Variants in ANKS1A observed in about 807,000 individuals in gnomAD.
The protein encoded by ANKS1A is ankyrin repeat and SAM domain-containing protein 1A.
In ANKS1A, 55 loss-of-function variants were observed where a neutral mutation model predicts 120.3. The observed-to-expected ratio is 0.46, with a 90% CI of 0.37 to 0.57. The LOEUF is 0.57. ANKS1A is among the 20% of genes least tolerant of loss of function. ANKS1A has a pLI of 0.00. For missense variants in ANKS1A, 1,123 were observed against 1,480.3 expected (o/e 0.76, Z 3.96); for synonymous variants, 590 against 604.7 (o/e 0.98, Z 0.36).
rs1322837970 is a variant in ANKS1A, at chr6:35,079,804, T to TG, written c.2437-16dup. 7.6e-6 allele frequency: 12 copies of TG among 1,586,100 alleles called. No homozygotes were observed. The highest frequency in any genetic ancestry group is 9.4e-6 in the Non-Finnish European group (11 of 1,165,934). On this transcript the variant is annotated splice_polypyrimidine_tract_variant and intron_variant, in intron 15 of 23. Transcript: ENST00000360359. The stretch of plus-strand genomic sequence containing the variant: ...TTGGCCACCTGACCTGTCACCTCGC[T>TG]GCTCCTCATCACCCAGGTCCTGAAG...
chr6:34,973,418 C>T (rs1360642820), intron 3 of ANKS1A, among the ~76,000 whole-genome samples: 1 of 152,234 alleles, frequency 6.6e-6, no homozygotes, highest in Admixed American at 6.5e-5. Flanking sequence ...TCAGCCTTTA[C>T]CACATCTGAG....
In ANKS1A at chr6:34,889,331, G is replaced by T; in HGVS notation, c.-72G>T. ...TTTGGGGGGTGCGTTGCCCGGAGAC[G>T]GAAAGTTTGGGAGCCCGAGCAGGCT... is the stretch of plus-strand genomic sequence containing the variant. On this transcript the variant is annotated 5_prime_UTR_variant, in exon 1 of 24. Coordinates refer to ENST00000360359, the MANE Select transcript of ANKS1A (RefSeq NM_015245.3). The surrounding 1 kb of genome is among the most constrained non-coding windows in gnomAD (Gnocchi z 5.5). 8.1e-7 allele frequency: 1 copy of T among 1,229,792 alleles called. No homozygotes were observed. The allele number at this position is 1,229,792 out of a possible 1,614,324, so 76.2% of individuals were successfully genotyped here.
At chr6:34,984,618 C>T (rs928523360) in intron 7 of ANKS1A, among the ~76,000 whole-genome samples, 1 of 152,146 alleles carries the variant, frequency 6.6e-6, no homozygotes, top group Non-Finnish European at 1.5e-5. Flanking sequence ...GCAGGTGCTC[C>T]GAGGCTGATA....
chr6:34,998,251 C>G (rs1333355661), intron 10 of ANKS1A, among the ~76,000 whole-genome samples: 1 of 152,126 alleles, frequency 6.6e-6, no homozygotes, highest in Non-Finnish European at 1.5e-5. Context: ...TTGTCTTATG[C>G]AGCTTTTATG....
intron 13 of ANKS1A, among the ~76,000 whole-genome samples, chr6:35,069,572 T>G (rs1370725989): frequency 6.6e-6 from 1 of 151,908 alleles, no homozygotes; most frequent in Non-Finnish European, 1.5e-5. Flanking sequence ...ATAGGGTCTC[T>G]CTCTGTTGCC....
intron 1 of ANKS1A, among the ~76,000 whole-genome samples, chr6:34,894,356 T>G (rs911479909): frequency 6.6e-6 from 1 of 152,100 alleles, no homozygotes; most frequent in African/African-American, 2.4e-5. Context: ...AAAGGAAATG[T>G]TAAAACCAAT....
At chr6:34,937,106 A>G (rs1769292856) in intron 1 of ANKS1A, among the ~76,000 whole-genome samples, 1 of 152,082 alleles carries the variant, frequency 6.6e-6, no homozygotes, top group African/African-American at 2.4e-5. Context: ...CAGAGGAGAG[A>G]AGATAGTCAT....
rs534647082 is a variant in ANKS1A, at chr6:35,008,978, G to A, written c.1424-8495G>A. On this transcript the variant is annotated intron_variant, in intron 10 of 23. Coordinates refer to ENST00000360359, the MANE Select transcript of ANKS1A (RefSeq NM_015245.3). Reference sequence around the variant, plus strand: ...GGAGGAGATAGAGAGAACATGTCTGGAGAATGGTAAGAGTAATCCGGTTTG... The same window carrying A: ...GGAGGAGATAGAGAGAACATGTCTGAAGAATGGTAAGAGTAATCCGGTTTG... Among the ~76,000 whole-genome samples, 308 of 152,328 alleles carry A rather than the reference G, an allele frequency of 2.0e-3. 2 individuals carry two copies. The highest frequency in any genetic ancestry group is 7.1e-3 in the African/African-American group (294 of 41,560).
rs138329632 is a variant in ANKS1A, at chr6:34,894,190, G to A, written c.197+4591G>A. ...TACAGTATTTTTTAGTTCTGGGCAC[G>A]TAGCGGGCACTCAGATTCTCATGTA... On this transcript the variant is annotated intron_variant, in intron 1 of 23. Transcript: ENST00000360359. Among the ~76,000 whole-genome samples the A allele has an allele frequency of 3.0e-3, 457 of 152,272 alleles. 2 individuals are homozygous for A. Among genetic ancestry groups the A allele is most frequent in the African/African-American group, 9.7e-3 (405 of 41,556 alleles).
At chr6:35,077,311 C>T (rs139236049) in intron 13 of ANKS1A, among the ~76,000 whole-genome samples, 131 of 152,354 alleles carry the variant, frequency 8.6e-4, no homozygotes, top group Middle Eastern at 3.4e-3. Context: ...CAACAGGGAA[C>T]TGGCTGAATA....
chr6:34,894,717 T>C (rs1357830614), intron 1 of ANKS1A, among the ~76,000 whole-genome samples: 1 of 152,054 alleles, frequency 6.6e-6, no homozygotes, highest in Non-Finnish European at 1.5e-5. Flanking sequence ...AAACTGTAAA[T>C]TGAGTTATGA....
At chr6:35,036,616 G>C (rs1775186374) in intron 11 of ANKS1A, among the ~76,000 whole-genome samples, 1 of 152,184 alleles carries the variant, frequency 6.6e-6, no homozygotes, top group South Asian at 2.1e-4. Context: ...GGTTTAAACT[G>C]TCAACATACC....
rs181425538 is a variant in ANKS1A at position 34,997,622 on chromosome 6, C to T, written c.1423+3200C>T. Among the ~76,000 whole-genome samples, 102 of 152,234 alleles carry T rather than the reference C, an allele frequency of 6.7e-4. 1 individual carries two copies. Among genetic ancestry groups the T allele is most frequent in the Non-Finnish European group, 1.1e-3 (75 of 68,014 alleles). ...TTAAAAAACAAGCAATTAATGAATG[C>T]TGTGTTTGAAAATGGTTCATAGTGA... is the stretch of plus-strand genomic sequence containing the variant. On this transcript the variant is annotated intron_variant, in intron 10 of 23. Coordinates refer to ENST00000360359, the MANE Select transcript of ANKS1A (RefSeq NM_015245.3).
At position 34,942,598 on chromosome 6, in the gene ANKS1A, A is replaced by C. The variant is rs568078446; in HGVS notation, c.198-24641A>C. On this transcript the variant is annotated intron_variant, in intron 1 of 23. Coordinates refer to ENST00000360359, the MANE Select transcript of ANKS1A (RefSeq NM_015245.3). ...CCTTAATTGAGAACTGAGGTCTTGC[A>C]GATAGGGAGTGTAAAGTTAGGATCT... 9.6e-4 allele frequency among the ~76,000 whole-genome samples: 146 copies of C among 152,316 alleles called. 1 individual carries two copies. The highest frequency in any genetic ancestry group is 6.8e-3 in the Middle Eastern group (2 of 294).
intron 1 of ANKS1A, among the ~76,000 whole-genome samples, chr6:34,892,876 C>T (rs532803973): frequency 6.6e-6 from 1 of 152,296 alleles, no homozygotes; most frequent in South Asian, 2.1e-4. Context: ...AGAAAGTCAG[C>T]AAAGAAGACT....
chr6:35,051,215 A>G (rs1368158330), intron 11 of ANKS1A, among the ~76,000 whole-genome samples: 1 of 152,086 alleles, frequency 6.6e-6, no homozygotes, highest in Non-Finnish European at 1.5e-5. Context: ...AAAGAAAAGA[A>G]AAGAAACCTG....
chr6:35,069,848 C>T (rs894660694), intron 13 of ANKS1A, among the ~76,000 whole-genome samples: 1 of 151,810 alleles, frequency 6.6e-6, no homozygotes, highest in African/African-American at 2.4e-5. Flanking sequence ...CCAACAATGG[C>T]GAAACCCAGT....
At chr6:35,081,789 G>A (rs1237111643) in intron 17 of ANKS1A, among the ~76,000 whole-genome samples, 1 of 152,108 alleles carries the variant, frequency 6.6e-6, no homozygotes, top group Non-Finnish European at 1.5e-5. Flanking sequence ...CATTTCCAGG[G>A]GTCCTGGATT....
chr6:34,983,250 A>G, intron 6 of ANKS1A, 36 bp downstream of exon 6: 1 of 1,610,714 alleles, frequency 6.2e-7, no homozygotes, highest in South Asian at 1.1e-5. Flanking sequence ...TGACCAGGGG[A>G]CACACGAATT....
Sources: allele counts gnomAD v4.1 joint callset (sites outside exome capture counted in the v4.1 genomes callset), GRCh38; gene constraint gnomAD v4.1.1; non-coding constraint Gnocchi (gnomAD v3.1); transcripts MANE v1.5; gene names NCBI Gene and HGNC (gene_info 2026-07-23, HGNC 2026-07-21).